CACNA1A: variants seen among roughly 807,000 people sequenced by gnomAD.
CACNA1A encodes the protein voltage-dependent P/Q-type calcium channel subunit alpha-1A.
Under a neutral mutation model 262.4 loss-of-function variants are expected in CACNA1A, and 57 were observed. The ratio of observed to expected loss-of-function variants is 0.22; its 90% confidence interval spans 0.18 to 0.27. The LOEUF (loss-of-function observed/expected upper bound fraction) is 0.27. CACNA1A is among the 10% of genes least tolerant of loss of function. The probability of loss-of-function intolerance (pLI) is 1.00; values close to 1 mark genes in which losing one functional copy is unlikely to be tolerated. For synonymous variants in CACNA1A, 1,431 were observed against 1,419.3 expected (o/e 1.01, Z -0.18); for missense variants, 2,526 against 3,562.8 (o/e 0.71, Z 7.41).
rs543337473 is a variant in CACNA1A at position 13,230,263 on chromosome 19, ATGAG to A, written c.5401-58_5401-55del. 1.0e-3 allele frequency: 1,625 copies of A among 1,598,582 alleles called. 2 individuals are homozygous for A. Among genetic ancestry groups the A allele is most frequent in the African/African-American group, 2.7e-3 (200 of 74,742 alleles). On this transcript the variant is annotated intron_variant, in intron 35 of 46. Coordinates refer to ENST00000360228, the MANE Select transcript of CACNA1A (RefSeq NM_001127222.2). The stretch of plus-strand genomic sequence containing the variant: ...ATGGGGGCAGAGACCGAGGGAATGA[ATGAG>A]TGAGTGAGAAGGATACAGACAGACA...
chr19:13,417,912 A>G (rs1157764795), intron 3 of CACNA1A, among the ~76,000 whole-genome samples: 1 of 148,872 alleles, frequency 6.7e-6, no homozygotes, highest in African/African-American at 2.5e-5. Flanking sequence ...AAAAAAAGAG[A>G]ACCATAGCAT....
intron 4 of CACNA1A, among the ~76,000 whole-genome samples, chr19:13,370,228 G>A (rs2059296989): frequency 6.6e-6 from 1 of 151,760 alleles, no homozygotes; most frequent in South Asian, 2.1e-4. Flanking sequence ...AGCCTCCCGA[G>A]TAGCTGGGAT....
intron 5 of CACNA1A, chr19:13,361,918 G>C (rs1205457911): frequency 6.6e-6 from 1 of 152,112 alleles, no homozygotes; most frequent in Non-Finnish European, 1.5e-5. Context: ...CCATGTCCAA[G>C]TCTGGCTCAA....
At chr19:13,396,453 C>G (rs2059812929) in intron 3 of CACNA1A, among the ~76,000 whole-genome samples, 1 of 152,198 alleles carries the variant, frequency 6.6e-6, no homozygotes, top group Non-Finnish European at 1.5e-5. Context: ...TACACCACAG[C>G]TGCGCCGGCC....
chr19:13,411,887 T>A (rs577922862), intron 3 of CACNA1A, among the ~76,000 whole-genome samples: 37 of 151,762 alleles, frequency 2.4e-4, no homozygotes, highest in Non-Finnish European at 3.1e-4. Flanking sequence ...AATTTAAAAA[T>A]TTTTTTTTGT....
rs1256045835 is a variant in CACNA1A, at chr19:13,479,775, GAGAA to G, written c.294-24567_294-24564del. ...CTGTCCTAAAAGACAGACCAACAGA[GAGAA>G]AGAAAGGCTGGCCTTTAAGAAAGGA... is the stretch of plus-strand genomic sequence containing the variant. On this transcript the variant is annotated intron_variant, in intron 1 of 46. Coordinates refer to ENST00000360228, the MANE Select transcript of CACNA1A (RefSeq NM_001127222.2). 2.6e-5 allele frequency among the ~76,000 whole-genome samples: 4 copies of G among 152,320 alleles called. No individual in the cohort carries two copies. The East Asian group carries it at 7.7e-4, about 29-fold the overall frequency.
intron 22 of CACNA1A, 145 bp downstream of exon 22, chr19:13,283,122 C>A: frequency 1.1e-6 from 1 of 937,938 alleles, no homozygotes; most frequent in South Asian, 2.0e-5. Flanking sequence ...GGAATCAGAG[C>A]TTCCCCTCTC....
intron 10 of CACNA1A, among the ~76,000 whole-genome samples, chr19:13,321,471 G>A (rs554007342): frequency 6.6e-6 from 1 of 152,250 alleles, no homozygotes; most frequent in African/African-American, 2.4e-5. Flanking sequence ...TGAGGGAGAC[G>A]TGTTCTGAGA....
Position 13,209,419 on chromosome 19 carries a change from A to T in CACNA1A, c.6419T>A (p.Leu2140Gln). 10 of 1,393,654 alleles carry T rather than the reference A, an allele frequency of 7.2e-6. No individual in the cohort carries two copies. Among genetic ancestry groups the T allele is most frequent in the Non-Finnish European group, 9.3e-6 (10 of 1,069,856 alleles). 86.3% of individuals were successfully genotyped at this position (1,393,654 alleles called of 1,614,324 possible). A position where few individuals can be genotyped will look rare whatever the true frequency, so the allele number is the denominator to read the frequency against. Residue 2140 changes from leucine to glutamine, a missense_variant, in exon 45 of 47, where the codon CTG becomes CAG. Leu to Gln is a moderately radical substitution (Grantham distance 113, BLOSUM62 -2). Around this residue, in one of 17 missense-constraint regions of CACNA1A, gnomAD observed 929 missense variants for 868.1 expected, o/e 1.07. Coordinates refer to ENST00000360228, the MANE Select transcript of CACNA1A (RefSeq NM_001127222.2). ...PKARRLDDYS[L>Q]ERVPPEENQR... ...GTTCTCCTCGGGCGGGACCCGCTCC[A>T]GCGAGTAATCGTCCAGGCGTCGGGC...
At position 13,308,878 on chromosome 19, in the gene CACNA1A, A is replaced by G. The variant is rs183365855; in HGVS notation, c.1669-350T>C. The G allele has an allele frequency of 2.1e-4, 34 of 164,492 alleles. No individual in the cohort carries two copies. In the East Asian group the frequency reaches 5.1e-3, roughly 25 times the overall value. 10.2% of individuals were successfully genotyped at this position (164,492 alleles called of 1,614,324 possible). Reference sequence around the variant, plus strand: ...ATTTTTATAGAGATAGTGTCTCGCTAGTATTGCCCAGGCTGGCCTCAAACT... The same window carrying G: ...ATTTTTATAGAGATAGTGTCTCGCTGGTATTGCCCAGGCTGGCCTCAAACT... On this transcript the variant is annotated intron_variant, in intron 12 of 46. Transcript: ENST00000360228. This position sits in a 1 kb window ranked among gnomAD's most constrained non-coding sequence, Gnocchi z 4.2.
intron 3 of CACNA1A, among the ~76,000 whole-genome samples, chr19:13,432,448 T>TAAATAAAAAAAA (rs530882941): frequency 2.3e-4 from 35 of 150,248 alleles, no homozygotes; most frequent in African/African-American, 8.3e-4. Flanking sequence ...AATAAATAAA[T>TAAATAAAAAAAA]AAAAATTAAA....
chr19:13,267,102 AG>A (rs1393913652), intron 24 of CACNA1A, among the ~76,000 whole-genome samples: 1 of 152,082 alleles, frequency 6.6e-6, no homozygotes, highest in East Asian at 1.9e-4. Context: ...AGGCTGCACC[AG>A]GGGACAGATC....
chr19:13,209,046 T>C (rs1362475914), intron 45 of CACNA1A, 37 bp from the exon 46 acceptor site: 1 of 1,536,272 alleles, frequency 6.5e-7, no homozygotes. Flanking sequence ...ACACAGGTGG[T>C]CGTGAGGGAG....
intron 1 of CACNA1A, among the ~76,000 whole-genome samples, chr19:13,477,191 TCA>T (rs1978652887): frequency 6.6e-6 from 1 of 152,188 alleles, no homozygotes; most frequent in Admixed American, 6.6e-5. Context: ...CTAGACATCC[TCA>T]CAGCTTCCTC....
At chr19:13,232,423 CTG>C (rs2055698027) in intron 34 of CACNA1A, among the ~76,000 whole-genome samples, 1 of 151,958 alleles carries the variant, frequency 6.6e-6, no homozygotes. Context: ...AGGCTGGTCA[CTG>C]TTATGCTTTA....
chr19:13,208,733 G>C (rs747558745), intron 46 of CACNA1A, 23 bp downstream of exon 46: 1 of 1,560,402 alleles, frequency 6.4e-7, no homozygotes, highest in East Asian at 2.3e-5. Flanking sequence ...GCCCAGCCTG[G>C]GGTCACTTGC....
At chr19:13,250,370 T>TA (rs1014837942) in intron 30 of CACNA1A, among the ~76,000 whole-genome samples, 9 of 151,102 alleles carry the variant, frequency 6.0e-5, no homozygotes, top group African/African-American at 1.9e-4. Context: ...CCCAATTTTT[T>TA]AAAAAATAAT....
In CACNA1A at chr19:13,300,620, G is replaced by A. The variant is rs2057767833; in HGVS notation, c.2209C>T (p.Leu737Phe). The stretch of plus-strand genomic sequence containing the variant: ...ACCTCCTTGGCTTTCTGTAGGGCAA[G>A]TTTCTGGTTCGCTGCTTCTTCTTCC... The part of the protein sequence containing the change: ...QEEEEAANQK[L>F]ALQKAKEVAE... Residue 737 changes from leucine (L) to phenylalanine (F), a missense_variant, in exon 18 of 47, where the codon CTT becomes TTT. Transcript: ENST00000360228. 2 of 1,613,872 alleles carry A rather than the reference G, an allele frequency of 1.2e-6. No individual in the cohort carries two copies. Among genetic ancestry groups the A allele is most frequent in the South Asian group, 1.1e-5 (1 of 91,084 alleles).
chr19:13,209,143 G>A lies in CACNA1A; in HGVS notation c.6527-134C>T, dbSNP rs181255369. On this transcript the variant is annotated intron_variant, in intron 45 of 46. Transcript: ENST00000360228. Reference sequence around the variant, plus strand: ...TGAACCGAGGCAGGTCAGTGGGTTGGGGGGAGGGGGTAGTACCCAGGTTCC... The same window carrying A: ...TGAACCGAGGCAGGTCAGTGGGTTGAGGGGAGGGGGTAGTACCCAGGTTCC... 1.6e-3 allele frequency: 2,187 copies of A among 1,379,756 alleles called. 15 individuals carry two copies. In the African/African-American group the frequency reaches 0.025, roughly 16 times the overall value. The allele number at this position is 1,379,756 out of a possible 1,614,324, so 85.5% of individuals were successfully genotyped here.
Sources: allele counts gnomAD v4.1 joint callset (sites outside exome capture counted in the v4.1 genomes callset), GRCh38; gene constraint gnomAD v4.1.1; regional missense constraint gnomAD v4.1.1; non-coding constraint Gnocchi (gnomAD v3.1); transcripts MANE v1.5; gene names NCBI Gene and HGNC (gene_info 2026-07-23, HGNC 2026-07-21).